Variants in SMARCA2 observed in about 807,000 individuals in gnomAD.
SMARCA2 encodes SWI/SNF related BAF chromatin remodeling complex subunit ATPase 2.
A neutral mutation model predicts 199.8 loss-of-function variants in SMARCA2; 61 were observed. The ratio of observed to expected loss-of-function variants is 0.31; its 90% CI spans 0.25 to 0.38. SMARCA2 has a LOEUF of 0.38. Ranked by LOEUF, SMARCA2 falls within the 10% of genes least tolerant of loss-of-function variation. SMARCA2 has a pLI of 1.00. For synonymous variants in SMARCA2, 935 were observed against 732.0 expected, an observed-to-expected ratio of 1.28 and a Z score of -4.48; for missense variants, 1,344 against 2,012.2, an observed-to-expected ratio of 0.67 and a Z score of 6.35.
chr9:2,184,088 C>T (rs1586810543), intron 31 of SMARCA2, among the ~76,000 whole-genome samples: 1 of 152,224 alleles, frequency 6.6e-6, no homozygotes, highest in East Asian at 1.9e-4. Context: ...TTGAGGTTCC[C>T]CTGCACTGTC....
At chr9:2,180,712 CT>C (rs1417483041) in intron 29 of SMARCA2, among the ~76,000 whole-genome samples, 2 of 152,214 alleles carry the variant, frequency 1.3e-5, no homozygotes, top group East Asian at 3.9e-4. Flanking sequence ...CTCTTTGTGC[CT>C]TTAACCACAT....
intron 12 of SMARCA2, among the ~76,000 whole-genome samples, chr9:2,074,146 T>C (rs1821216532): frequency 6.6e-6 from 1 of 152,202 alleles, no homozygotes; most frequent in African/African-American, 2.4e-5. Flanking sequence ...TCCTTAGATA[T>C]ACTTGTTATC....
intron 29 of SMARCA2, among the ~76,000 whole-genome samples, chr9:2,178,153 T>C (rs1826754045): frequency 6.6e-6 from 1 of 152,180 alleles, no homozygotes; most frequent in South Asian, 2.1e-4. Flanking sequence ...TCGTACTCTA[T>C]GGTCTCATGG....
In SMARCA2 at chr9:2,185,049, T is replaced by A. The variant is rs1335252586; in HGVS notation, c.4462-1047T>A. 2.6e-5 allele frequency among the ~76,000 whole-genome samples: 4 copies of A among 152,298 alleles called. No homozygotes were observed. In the East Asian group the frequency reaches 7.7e-4, roughly 29 times the overall value. ...TTTAAAACACTGTGATTAAGAGACA[T>A]AACAAAATTTATCATAATTTTTCAG... is the stretch of plus-strand genomic sequence containing the variant. On this transcript the variant is annotated intron_variant, in intron 31 of 33. Coordinates refer to ENST00000349721, the MANE Select transcript of SMARCA2 (RefSeq NM_003070.5).
intron 4 of SMARCA2, chr9:2,045,423 G>A (rs1819794529): frequency 6.6e-6 from 1 of 152,112 alleles, no homozygotes; most frequent in South Asian, 2.1e-4. Context: ...AATGAAAAAT[G>A]TACCTTGTTT....
chr9:2,180,942 C>A, intron 29 of SMARCA2, among the ~76,000 whole-genome samples: 1 of 152,112 alleles, frequency 6.6e-6, no homozygotes, highest in Non-Finnish European at 1.5e-5. Context: ...TACACACACA[C>A]AATGGCAGTT....
chr9:2,169,245 C>G lies in SMARCA2; in HGVS notation c.4200-1174C>G, dbSNP rs1043198315. ...GCAAGCTGCAGGGTGGACTGCGTGC[C>G]CTGCCTCCAGTCTCTTCCTGTCCTG... On this transcript the variant is annotated intron_variant, in intron 28 of 33. Coordinates refer to ENST00000349721, the MANE Select transcript of SMARCA2 (RefSeq NM_003070.5). This position sits in a 1 kb window ranked among gnomAD's most constrained non-coding sequence, Gnocchi z 6.5. Among the ~76,000 whole-genome samples, 3 of 152,150 alleles carry G rather than the reference C, an allele frequency of 2.0e-5. No individual in the cohort carries two copies. The highest frequency in any genetic ancestry group is 2.9e-5 in the Non-Finnish European group (2 of 68,020).
At chr9:2,050,737 TCTTTTTA>T (rs1310545210) in intron 5 of SMARCA2, among the ~76,000 whole-genome samples, 3 of 152,164 alleles carry the variant, frequency 2.0e-5, no homozygotes, top group Non-Finnish European at 4.4e-5. Flanking sequence ...ACACACGCTC[TCTTTTTA>T]AAGTGTCACT....
intron 9 of SMARCA2, among the ~76,000 whole-genome samples, chr9:2,067,869 T>G (rs567863359): frequency 1.3e-5 from 2 of 152,366 alleles, no homozygotes; most frequent in Middle Eastern, 3.4e-3. Context: ...ATCTAGCTAG[T>G]CTATAGGACA....
chr9:2,103,075 T>A (rs1483762565), intron 22 of SMARCA2, among the ~76,000 whole-genome samples: 2 of 152,030 alleles, frequency 1.3e-5, no homozygotes, highest in African/African-American at 4.8e-5. Context: ...AGTGCCCCCG[T>A]TCTTCACCTG....
intron 21 of SMARCA2, among the ~76,000 whole-genome samples, chr9:2,100,045 T>C (rs764851904): frequency 5.3e-5 from 8 of 152,156 alleles, no homozygotes; most frequent in Non-Finnish European, 1.2e-4. Context: ...GAGAGTACTG[T>C]TGAGCCCAGA....
At chr9:2,174,661 T>C (rs1381839835) in intron 29 of SMARCA2, among the ~76,000 whole-genome samples, 1 of 152,096 alleles carries the variant, frequency 6.6e-6, no homozygotes, top group African/African-American at 2.4e-5. Flanking sequence ...GGCTCACACC[T>C]GTAATTCCCA....
At chr9:2,126,131 G>A (rs186553758) in intron 27 of SMARCA2, among the ~76,000 whole-genome samples, 3 of 152,302 alleles carry the variant, frequency 2.0e-5, no homozygotes, top group Admixed American at 6.5e-5. Flanking sequence ...TCTTTTTAGC[G>A]CATCTAGTAA....
At chr9:2,129,532 G>T (rs1427153761) in intron 27 of SMARCA2, among the ~76,000 whole-genome samples, 1 of 152,220 alleles carries the variant, frequency 6.6e-6, no homozygotes, top group Non-Finnish European at 1.5e-5. Context: ...CAGCTCATCA[G>T]TGTGTTCACT....
At chr9:2,178,425 A>G (rs936600649) in intron 29 of SMARCA2, among the ~76,000 whole-genome samples, 4 of 152,124 alleles carry the variant, frequency 2.6e-5, no homozygotes, top group African/African-American at 9.7e-5. Flanking sequence ...CCAAGTAGCA[A>G]TTTATATTTA....
chr9:2,088,483 A>G lies in SMARCA2; in HGVS notation c.2770-17A>G, dbSNP rs763759471. The G allele has an allele frequency of 9.0e-6, 14 of 1,563,656 alleles. No homozygotes were observed. The South Asian group carries it at 1.6e-4, about 18-fold the overall frequency. The stretch of plus-strand genomic sequence containing the variant: ...TTTTCTTTAAAAAATCAAATTCATA[A>G]TAAGCCTCTCTTACAGGTGGACTTA... On this transcript the variant is annotated splice_polypyrimidine_tract_variant and intron_variant, in intron 18 of 33. Coordinates refer to ENST00000349721, the MANE Select transcript of SMARCA2 (RefSeq NM_003070.5).
At chr9:2,139,689 A>T (rs543103194) in intron 27 of SMARCA2, among the ~76,000 whole-genome samples, 56 of 152,316 alleles carry the variant, frequency 3.7e-4, no homozygotes, top group African/African-American at 1.3e-3. Flanking sequence ...GTCGTCAGAA[A>T]TGCAGAAGTC....
At chr9:2,081,115 A>G (rs961310979) in intron 14 of SMARCA2, among the ~76,000 whole-genome samples, 2 of 152,238 alleles carry the variant, frequency 1.3e-5, no homozygotes, top group African/African-American at 4.8e-5. Context: ...CATCTGTGGT[A>G]TGATGGTGGA....
intron 18 of SMARCA2, 136 bp downstream of exon 18, chr9:2,087,207 G>A: frequency 9.8e-7 from 1 of 1,024,990 alleles, no homozygotes; most frequent in South Asian, 1.6e-5. Flanking sequence ...ACCCATCGGT[G>A]GGTGGACATG....
Sources: allele counts gnomAD v4.1 joint callset (sites outside exome capture counted in the v4.1 genomes callset), GRCh38; gene constraint gnomAD v4.1.1; non-coding constraint Gnocchi (gnomAD v3.1); transcripts MANE v1.5; gene names NCBI Gene and HGNC (gene_info 2026-07-23, HGNC 2026-07-21).